Variants in CLIP1 observed in about 807,000 individuals in gnomAD.
The protein encoded by CLIP1 is CAP-Gly domain containing linker protein 1, also known as CAP-Gly domain-containing linker protein 1.
CLIP1 carries 66 observed loss-of-function variants against 161.6 expected under a neutral mutation model. The observed-to-expected ratio is 0.41, with a 90% CI of 0.33 to 0.50. CLIP1 has a LOEUF of 0.50. Ranked by LOEUF, CLIP1 falls within the 20% of genes least tolerant of loss-of-function variation. The pLI is 0.27. For missense variants in CLIP1, 1,376 were observed against 1,702.0 expected (o/e 0.81, Z 3.37); for synonymous variants, 598 against 626.2 (o/e 0.96, Z 0.67).
At chr12:122,304,812 C>G (rs1382460462) in intron 20 of CLIP1, among the ~76,000 whole-genome samples, 1 of 152,184 alleles carries the variant, frequency 6.6e-6, no homozygotes, top group Non-Finnish European at 1.5e-5. Flanking sequence ...GCCCTAGTTG[C>G]CCAGAAGTCC....
intron 21 of CLIP1, among the ~76,000 whole-genome samples, chr12:122,282,671 GTA>G (rs201005420): frequency 5.6e-4 from 80 of 144,096 alleles, no homozygotes; most frequent in Non-Finnish European, 9.9e-4. Context: ...GTTTGTGTGT[GTA>G]TATATATATG....
intron 1 of CLIP1, among the ~76,000 whole-genome samples, chr12:122,382,318 G>A (rs905112321): frequency 7.9e-5 from 12 of 151,504 alleles, no homozygotes; most frequent in African/African-American, 1.5e-4. Flanking sequence ...CCCAGGTTGT[G>A]CCATTGCACT....
chr12:122,392,724 G>A (rs938573243), intron 1 of CLIP1, among the ~76,000 whole-genome samples: 1 of 152,078 alleles, frequency 6.6e-6, no homozygotes, highest in African/African-American at 2.4e-5. Context: ...GAATTCAAAG[G>A]TTAAAGATTC....
At chr12:122,288,885 G>A (rs1470528811) in intron 20 of CLIP1, among the ~76,000 whole-genome samples, 2 of 144,128 alleles carry the variant, frequency 1.4e-5, no homozygotes, top group African/African-American at 5.3e-5. Context: ...GCGTGATCTC[G>A]GCTCACTGCA....
rs756891225 is a variant in CLIP1, at chr12:122,360,906, G to A, written c.1005+53C>T. 170 of 1,453,774 alleles carry A rather than the reference G, an allele frequency of 1.2e-4. 1 individual carries two copies. The highest frequency in any genetic ancestry group is 1.4e-4 in the Non-Finnish European group (155 of 1,070,692). The allele number at this position is 1,453,774 out of a possible 1,614,324, so 90.1% of individuals were successfully genotyped here. A position where few individuals can be genotyped will look rare whatever the true frequency, so the allele number is the denominator to read the frequency against. On this transcript the variant is annotated intron_variant, in intron 5 of 25. Transcript: ENST00000620786. ...GCAGCAAAGCAGGGGCACTGACCAC[G>A]GGCCTTAATCCTGCCTGGGAAGTGG...
At chr12:122,342,012 G>A (rs1952534492) in intron 10 of CLIP1, 1 of 170,656 alleles carries the variant, frequency 5.9e-6, no homozygotes, top group South Asian at 1.8e-4. Flanking sequence ...TCAAACTCCT[G>A]ACCTCAGGTG....
intron 1 of CLIP1, among the ~76,000 whole-genome samples, chr12:122,407,557 C>T (rs982585548): frequency 7.9e-5 from 12 of 151,446 alleles, no homozygotes; most frequent in African/African-American, 2.7e-4. Context: ...AAAAATTAGC[C>T]AGGTATGGTG....
Position 122,375,452 on chromosome 12 carries a change from G to A in CLIP1, c.657+1937C>T, listed in dbSNP as rs1387638011. On this transcript the variant is annotated intron_variant, in intron 3 of 25. Coordinates refer to ENST00000620786, the MANE Select transcript of CLIP1 (RefSeq NM_001247997.2). ...CTGCCTCAGCTTCCCAAGTAGCTGG[G>A]ATTACAGGTGTGTGCCACTGAGCTC... Among the ~76,000 whole-genome samples the A allele has an allele frequency of 3.3e-5, 5 of 152,058 alleles. No homozygotes were observed. The South Asian group carries it at 1.0e-3, about 32-fold the overall frequency.
At chr12:122,377,297 C>A in intron 3 of CLIP1, 92 bp downstream of exon 3, 1 of 1,208,514 alleles carries the variant, frequency 8.3e-7, no homozygotes, top group East Asian at 2.3e-5. Context: ...TGTGAGCCAC[C>A]GCGCCCAGCC....
intron 1 of CLIP1, among the ~76,000 whole-genome samples, chr12:122,422,153 C>G (rs981264998): frequency 2.0e-5 from 3 of 152,108 alleles, no homozygotes; most frequent in African/African-American, 4.8e-5. Flanking sequence ...ATCCCACATC[C>G]GCCCCGGGGC....
At chr12:122,321,760 C>T (rs1951514461) in intron 17 of CLIP1, among the ~76,000 whole-genome samples, 2 of 152,222 alleles carry the variant, frequency 1.3e-5, no homozygotes, top group Non-Finnish European at 2.9e-5. Context: ...CTGAAGCCAT[C>T]TGTCCACCTC....
At chr12:122,393,274 C>T (rs1339469465) in intron 1 of CLIP1, among the ~76,000 whole-genome samples, 1 of 151,948 alleles carries the variant, frequency 6.6e-6, no homozygotes, top group Non-Finnish European at 1.5e-5. Context: ...GATTCTCCTG[C>T]CTCAACCTCC....
chr12:122,301,414 T>A (rs1238687166), intron 20 of CLIP1, among the ~76,000 whole-genome samples: 1 of 152,236 alleles, frequency 6.6e-6, no homozygotes, highest in African/African-American at 2.4e-5. Context: ...CTCATGCCTA[T>A]AATCCCAGTA....
At chr12:122,391,628 T>A (rs1955667967) in intron 1 of CLIP1, among the ~76,000 whole-genome samples, 1 of 152,194 alleles carries the variant, frequency 6.6e-6, no homozygotes, top group African/African-American at 2.4e-5. Flanking sequence ...GAACTTCATG[T>A]CAGCTTTAGG....
chr12:122,344,351 G>A (rs939146295), intron 10 of CLIP1, among the ~76,000 whole-genome samples: 1 of 151,966 alleles, frequency 6.6e-6, no homozygotes, highest in Non-Finnish European at 1.5e-5. Context: ...GATTTTCTGG[G>A]GAAGGAAGAG....
At chr12:122,282,323 G>A (rs913754563) in intron 21 of CLIP1, among the ~76,000 whole-genome samples, 27 of 151,866 alleles carry the variant, frequency 1.8e-4, no homozygotes, top group Non-Finnish European at 8.8e-5. Flanking sequence ...GTCACAAATC[G>A]TATTAAGCCA....
At chr12:122,418,227 A>G (rs1315615305) in intron 1 of CLIP1, among the ~76,000 whole-genome samples, 1 of 152,164 alleles carries the variant, frequency 6.6e-6, no homozygotes, top group Admixed American at 6.6e-5. Flanking sequence ...CACACGGTAC[A>G]TGCTCAATAA....
At chr12:122,401,586 T>C (rs1206522832) in intron 1 of CLIP1, among the ~76,000 whole-genome samples, 2 of 152,082 alleles carry the variant, frequency 1.3e-5, no homozygotes, top group African/African-American at 4.8e-5. Flanking sequence ...GAGAACTGCT[T>C]AAACCTGGGA....
chr12:122,364,792 C>G lies in CLIP1; in HGVS notation c.658-685G>C, dbSNP rs1354225288. ...CAGTAATTCGCCAAAATGACGAACA[C>G]AAAGCGAAAGAGGAGAGGCACCCGA... On this transcript the variant is annotated intron_variant, in intron 3 of 25. Coordinates refer to ENST00000620786, the MANE Select transcript of CLIP1 (RefSeq NM_001247997.2). 5.8e-6 allele frequency: 6 copies of G among 1,025,674 alleles called. No individual in the cohort carries two copies. In the Admixed American group the frequency reaches 7.1e-5, roughly 12 times the overall value. 63.5% of individuals were successfully genotyped at this position (1,025,674 alleles called of 1,614,324 possible). A position where few individuals can be genotyped will look rare whatever the true frequency, so the allele number is the denominator to read the frequency against.
Sources: allele counts gnomAD v4.1 joint callset (sites outside exome capture counted in the v4.1 genomes callset), GRCh38; gene constraint gnomAD v4.1.1; transcripts MANE v1.5; gene names NCBI Gene and HGNC (gene_info 2026-07-23, HGNC 2026-07-21).